The following RAB40C variants were observed in gnomAD, a reference collection of about 807,000 sequenced individuals.
The protein encoded by RAB40C is RAB40C, member RAS oncogene family.
In RAB40C, 8 loss-of-function variants were observed where a neutral mutation model predicts 28.1. The observed-to-expected ratio is 0.28, with a 90% CI of 0.17 to 0.51. RAB40C has a LOEUF of 0.51. RAB40C is among the 20% of genes least tolerant of loss of function. RAB40C has a pLI of 0.97. For missense variants in RAB40C, 288 were observed against 405.9 expected (o/e 0.71, Z 2.50); for synonymous variants, 201 against 171.7 (o/e 1.17, Z -1.34).
chr16:613,702 G>T (rs1478565369), intron 1 of RAB40C, among the ~76,000 whole-genome samples: 1 of 152,068 alleles, frequency 6.6e-6, no homozygotes, highest in Non-Finnish European at 1.5e-5. Flanking sequence ...TTTTTCCCCA[G>T]AGGATAGTTT....
At chr16:609,308 G>T (rs2036432777) in intron 1 of RAB40C, among the ~76,000 whole-genome samples, 1 of 152,090 alleles carries the variant, frequency 6.6e-6, no homozygotes, top group Non-Finnish European at 1.5e-5. Context: ...GGAAAATTGA[G>T]TCGTGGACAG....
At chr16:618,783 G>T (rs1207197281) in intron 3 of RAB40C, among the ~76,000 whole-genome samples, 1 of 135,964 alleles carries the variant, frequency 7.4e-6, no homozygotes, top group Non-Finnish European at 1.6e-5. Context: ...GTGTGTGCAG[G>T]TGTGGTGTAC....
chr16:622,337 G>A (rs543652868), intron 3 of RAB40C, among the ~76,000 whole-genome samples: 5 of 152,174 alleles, frequency 3.3e-5, no homozygotes, highest in African/African-American at 9.7e-5. Context: ...CAGGGCGTGC[G>A]GGTGGGAGCA....
In RAB40C at chr16:627,957, A is replaced by C; in HGVS notation, c.*335A>C. On this transcript the variant is annotated 3_prime_UTR_variant, in exon 6 of 6. Transcript: ENST00000248139. Reference sequence around the variant, plus strand: ...ACACTTCACTTTTTTGTACATTTTTAAGGGGCCTTCAGGGAAGCCTGGGTG... The same window carrying C: ...ACACTTCACTTTTTTGTACATTTTTCAGGGGCCTTCAGGGAAGCCTGGGTG... The C allele has an allele frequency of 1.6e-5, 4 of 254,232 alleles. No individual in the cohort carries two copies. The East Asian group carries it at 2.2e-4, about 14-fold the overall frequency. The allele number at this position is 254,232 out of a possible 1,614,324, so 15.7% of individuals were successfully genotyped here. A position where few individuals can be genotyped will look rare whatever the true frequency, so the allele number is the denominator to read the frequency against.
chr16:627,671 G>A lies in RAB40C; in HGVS notation c.*49G>A, dbSNP rs2036870211. 1 of 1,526,414 alleles carries A rather than the reference G, an allele frequency of 6.6e-7. No individual in the cohort carries two copies. The highest frequency in any genetic ancestry group is 8.8e-7 in the Non-Finnish European group (1 of 1,135,776). 94.6% of individuals were successfully genotyped at this position (1,526,414 alleles called of 1,614,324 possible). A position where few individuals can be genotyped will look rare whatever the true frequency, so the allele number is the denominator to read the frequency against. ...GCAGATGCCAGGAGGGCTCGAGCTG[G>A]ACACTCCTGGCTGGACGCCAGGCCA... On this transcript the variant is annotated 3_prime_UTR_variant, in exon 6 of 6. Transcript: ENST00000248139.
chr16:612,687 C>G (rs1450601294), intron 1 of RAB40C, among the ~76,000 whole-genome samples: 13 of 29,706 alleles, frequency 4.4e-4, no homozygotes, highest in Admixed American at 3.2e-4. Context: ...CCTGTAGCAT[C>G]AAGAGCAAGG....
In RAB40C at chr16:627,361, C is replaced by T; in HGVS notation, c.585C>T (p.Leu195=). Residue 195 remains leucine (L), a synonymous_variant, in exon 6 of 6, where the codon CTC becomes CTT. Transcript: ENST00000248139. ...RPNRVFSLQD[L]CCRAIVSCTP... is the part of the protein sequence containing the mutation. Reference sequence around the variant, plus strand: ...CCACAGTGTTCAGCCTGCAGGACCTCTGCTGCCGGGCCATCGTCTCCTGCA... The same window carrying T: ...CCACAGTGTTCAGCCTGCAGGACCTTTGCTGCCGGGCCATCGTCTCCTGCA... The T allele has an allele frequency of 1.9e-6, 3 of 1,613,468 alleles. No homozygotes were observed. The highest frequency in any genetic ancestry group is 2.5e-6 in the Non-Finnish European group (3 of 1,179,864).
chr16:613,560 G>A (rs924592579), intron 1 of RAB40C, among the ~76,000 whole-genome samples: 3 of 152,270 alleles, frequency 2.0e-5, no homozygotes, highest in Admixed American at 1.3e-4. Flanking sequence ...TGCGGTGGTG[G>A]CTTGGATGGG....
At chr16:593,217 C>G (rs984160446) in intron 1 of RAB40C, among the ~76,000 whole-genome samples, 1 of 152,242 alleles carries the variant, frequency 6.6e-6, no homozygotes, top group Non-Finnish European at 1.5e-5. Flanking sequence ...GGCCAGCCCT[C>G]TTCATCAGGG....
intron 3 of RAB40C, among the ~76,000 whole-genome samples, chr16:623,665 G>A (rs1290613390): frequency 6.6e-6 from 1 of 151,936 alleles, no homozygotes; most frequent in South Asian, 2.1e-4. Flanking sequence ...AATCATGCTG[G>A]GCTGGGCACA....
chr16:598,912 G>A (rs568387021), intron 1 of RAB40C, among the ~76,000 whole-genome samples: 4 of 152,342 alleles, frequency 2.6e-5, no homozygotes, highest in Non-Finnish European at 1.5e-5. Context: ...CTCCAGCAGC[G>A]TGGGTAACCC....
chr16:623,200 C>T (rs9932507), intron 3 of RAB40C, among the ~76,000 whole-genome samples: 3 of 152,240 alleles, frequency 2.0e-5, no homozygotes, highest in Non-Finnish European at 4.4e-5. Flanking sequence ...CTTCTGCTCT[C>T]TTTCTAGAGT....
chr16:623,567 T>C (rs2036766639), intron 3 of RAB40C, among the ~76,000 whole-genome samples: 1 of 148,470 alleles, frequency 6.7e-6, no homozygotes, highest in Non-Finnish European at 1.5e-5. Context: ...GGCAGGAGAA[T>C]GGCGTGAACC....
chr16:596,488 G>A (rs1220471085), intron 1 of RAB40C: 1 of 343,306 alleles, frequency 2.9e-6, no homozygotes, highest in African/African-American at 2.2e-5. Flanking sequence ...TGGGGCCCAG[G>A]GGCCACGTCA....
chr16:592,267 G>T (rs1269742940), intron 1 of RAB40C, among the ~76,000 whole-genome samples: 1 of 152,234 alleles, frequency 6.6e-6, no homozygotes. Flanking sequence ...TGGCTGCTGA[G>T]AGTGTGGGCG....
intron 3 of RAB40C, among the ~76,000 whole-genome samples, chr16:619,945 T>G (rs2036677790): frequency 1.3e-5 from 2 of 152,200 alleles, no homozygotes; most frequent in Non-Finnish European, 2.9e-5. Flanking sequence ...GGGAGTTCCC[T>G]CGGAGATGTT....
At chr16:616,149 A>T (rs34498660) in intron 1 of RAB40C, among the ~76,000 whole-genome samples, 1 of 150,458 alleles carries the variant, frequency 6.6e-6, no homozygotes, top group South Asian at 2.1e-4. Context: ...TCAGCTACTC[A>T]GCAGGCTGAG....
At chr16:608,573 A>G (rs539882365) in intron 1 of RAB40C, among the ~76,000 whole-genome samples, 3 of 152,182 alleles carry the variant, frequency 2.0e-5, no homozygotes, top group Non-Finnish European at 4.4e-5. Flanking sequence ...TACCATCCTG[A>G]AAAGAATGAA....
At chr16:627,219 C>T (rs2036856925) in intron 5 of RAB40C, 123 bp from the exon 6 acceptor site, 3 of 972,540 alleles carry the variant, frequency 3.1e-6, no homozygotes, top group Non-Finnish European at 4.5e-6. Context: ...TCCAGGAGCC[C>T]AGCCTGGGAA....
Sources: gnomAD v4.1 joint callset for allele counts (sites outside exome capture counted in the v4.1 genomes callset) on GRCh38, gnomAD v4.1.1 for gene constraint, MANE v1.5 for transcripts, NCBI Gene and HGNC (gene_info 2026-07-23, HGNC 2026-07-21) for gene names.